Variants in MAD1L1 observed in about 807,000 individuals in gnomAD.
MAD1L1 encodes the protein mitotic spindle assembly checkpoint protein MAD1.
A neutral mutation model predicts 96.9 loss-of-function variants in MAD1L1; 95 were observed. The ratio of observed to expected loss-of-function variants is 0.98; its 90% confidence interval spans 0.83 to 1.16. MAD1L1 has a LOEUF of 1.16. Among genes scored for constraint, MAD1L1 ranks in the 50% most tolerant of loss-of-function variants. The pLI, the probability that MAD1L1 is intolerant of heterozygous loss-of-function variation, is 0.00. For synonymous variants in MAD1L1, 473 were observed against 396.6 expected (o/e 1.19, Z -2.29); for missense variants, 1,007 against 954.4 (o/e 1.06, Z -0.73).
At chr7:1,879,196 G>A (rs1042945618) in intron 18 of MAD1L1, among the ~76,000 whole-genome samples, 4 of 152,012 alleles carry the variant, frequency 2.6e-5, no homozygotes, top group African/African-American at 7.2e-5. Flanking sequence ...CTTCCCGGCC[G>A]GGTGCAGTGG....
chr7:1,978,434 G>A (rs1050714147), intron 15 of MAD1L1, among the ~76,000 whole-genome samples: 2 of 152,230 alleles, frequency 1.3e-5, no homozygotes, highest in African/African-American at 4.8e-5. Flanking sequence ...ACCAATGCTT[G>A]GTGAGCAGGT....
At chr7:2,164,509 G>A (rs1790324268) in intron 10 of MAD1L1, among the ~76,000 whole-genome samples, 1 of 147,866 alleles carries the variant, frequency 6.8e-6, no homozygotes, top group Non-Finnish European at 1.5e-5. Context: ...ATGCCTATCA[G>A]GTTGTAGGTC....
At chr7:2,130,084 G>A (rs748191612) in intron 11 of MAD1L1, among the ~76,000 whole-genome samples, 20 of 152,250 alleles carry the variant, frequency 1.3e-4, no homozygotes, top group African/African-American at 3.6e-4. Flanking sequence ...TGGCTGCCCC[G>A]ATGCGCCTCA....
At chr7:2,062,649 C>T (rs371482063) in intron 12 of MAD1L1, among the ~76,000 whole-genome samples, 3 of 152,076 alleles carry the variant, frequency 2.0e-5, no homozygotes, top group Non-Finnish European at 2.9e-5. Flanking sequence ...GAACCAGGCA[C>T]GAGGGTCTTG....
At chr7:2,028,389 C>T (rs1379331835) in intron 12 of MAD1L1, among the ~76,000 whole-genome samples, 4 of 144,566 alleles carry the variant, frequency 2.8e-5, no homozygotes, top group Non-Finnish European at 6.0e-5. Context: ...CATGCCATTG[C>T]ACTCCAGCCT....
In MAD1L1 at chr7:2,222,650, C is replaced by T. The variant is rs752720961; in HGVS notation, c.396G>A (p.Arg132=). The change falls in exon 5 of 19, where the codon AGG becomes AGA. Residue 132 remains arginine (R), a synonymous_variant. Coordinates refer to ENST00000265854, the MANE Select transcript of MAD1L1 (RefSeq NM_001013836.2). ...CAGCATCCAAGTTCTGCTGACACTG[C>T]CTGTTGCGCTCCAGCTGCTCCTGCA... The part of the protein sequence containing the change: ...EKMQEQLERN[R]QCQQNLDAAS... The T allele has an allele frequency of 1.2e-5, 19 of 1,613,232 alleles. No individual in the cohort carries two copies. In the East Asian group the frequency reaches 2.5e-4, roughly 21 times the overall value.
At chr7:2,160,888 T>C (rs1790075801) in intron 10 of MAD1L1, among the ~76,000 whole-genome samples, 2 of 152,256 alleles carry the variant, frequency 1.3e-5, no homozygotes, top group African/African-American at 4.8e-5. Flanking sequence ...TATTGCAGAA[T>C]CAGGTACTAC....
At chr7:2,043,347 G>A (rs182137409) in intron 12 of MAD1L1, among the ~76,000 whole-genome samples, 5 of 152,276 alleles carry the variant, frequency 3.3e-5, no homozygotes, top group East Asian at 1.9e-4. Context: ...CCTCATCCTC[G>A]GTGTCAGGGC....
chr7:1,913,561 G>GC (rs1444888362), intron 17 of MAD1L1, among the ~76,000 whole-genome samples: 3 of 152,186 alleles, frequency 2.0e-5, no homozygotes, highest in Non-Finnish European at 4.4e-5. Flanking sequence ...CTGGGGGTTG[G>GC]CGTGGGGTCA....
chr7:2,135,111 G>T (rs1788690009), intron 11 of MAD1L1, among the ~76,000 whole-genome samples: 1 of 152,226 alleles, frequency 6.6e-6, no homozygotes, highest in African/African-American at 2.4e-5. Flanking sequence ...GGTAAGACTA[G>T]CCACGAAAGG....
At chr7:1,959,989 G>A (rs1176579583) in intron 15 of MAD1L1, among the ~76,000 whole-genome samples, 1 of 151,834 alleles carries the variant, frequency 6.6e-6, no homozygotes, top group Non-Finnish European at 1.5e-5. Flanking sequence ...AATATATTGG[G>A]GATTTAATAT....
At chr7:1,953,826 G>T (rs1226466750) in intron 16 of MAD1L1, among the ~76,000 whole-genome samples, 1 of 152,258 alleles carries the variant, frequency 6.6e-6, no homozygotes, top group African/African-American at 2.4e-5. Flanking sequence ...ATCACTGCTG[G>T]GTGACACGGG....
At chr7:1,955,447 T>C (rs1298025865) in intron 16 of MAD1L1, among the ~76,000 whole-genome samples, 1 of 152,220 alleles carries the variant, frequency 6.6e-6, no homozygotes, top group African/African-American at 2.4e-5. Flanking sequence ...CCCACCACCA[T>C]GCCCAGCGAA....
At chr7:2,145,915 C>T (rs1026843008) in intron 11 of MAD1L1, among the ~76,000 whole-genome samples, 1 of 152,220 alleles carries the variant, frequency 6.6e-6, no homozygotes, top group East Asian at 1.9e-4. Flanking sequence ...GCTTCACGGA[C>T]GTGGACATGT....
chr7:1,838,042 C>T (rs575534834), intron 18 of MAD1L1, among the ~76,000 whole-genome samples: 82 of 152,318 alleles, frequency 5.4e-4, no homozygotes, highest in African/African-American at 1.9e-3. Flanking sequence ...AGGTGATTCC[C>T]GCGTAGCTCT....
intron 15 of MAD1L1, among the ~76,000 whole-genome samples, chr7:1,962,990 G>A (rs1299775566): frequency 6.6e-6 from 1 of 152,146 alleles, no homozygotes; most frequent in African/African-American, 2.4e-5. Context: ...TAAGGAAAAA[G>A]ACTGTGCTGC....
chr7:1,946,240 G>C (rs1583879518), intron 16 of MAD1L1, among the ~76,000 whole-genome samples: 1 of 152,214 alleles, frequency 6.6e-6, no homozygotes, highest in African/African-American at 2.4e-5. Context: ...CAGGGGGTCA[G>C]TGTGAGGCTC....
At chr7:1,953,644 C>T (rs988101997) in intron 16 of MAD1L1, among the ~76,000 whole-genome samples, 3 of 152,254 alleles carry the variant, frequency 2.0e-5, no homozygotes, top group African/African-American at 2.4e-5. Context: ...GGCGGCTGGG[C>T]GAGGGATAAA....
chr7:1,914,362 G>A (rs974452654), intron 17 of MAD1L1, among the ~76,000 whole-genome samples: 4 of 152,230 alleles, frequency 2.6e-5, no homozygotes, highest in African/African-American at 9.6e-5. Context: ...CTGGTGGCCC[G>A]CTACAATCAC....
Sources: allele counts gnomAD v4.1 joint callset (sites outside exome capture counted in the v4.1 genomes callset), GRCh38; gene constraint gnomAD v4.1.1; transcripts MANE v1.5; gene names NCBI Gene and HGNC (gene_info 2026-07-23, HGNC 2026-07-21).